TRIM24: variants seen among roughly 807,000 people sequenced by gnomAD.
TRIM24 encodes transcription intermediary factor 1-alpha.
A neutral mutation model predicts 123.9 loss-of-function variants in TRIM24; 29 were observed. The ratio of observed to expected loss-of-function variants is 0.23; its 90% confidence interval spans 0.17 to 0.32. The LOEUF is 0.32. Ranked by LOEUF, TRIM24 falls within the 10% of genes least tolerant of loss-of-function variation. TRIM24 has a pLI of 1.00. For missense variants in TRIM24, 932 were observed against 1,295.3 expected, an observed-to-expected ratio of 0.72 and a Z score of 4.31; for synonymous variants, 456 against 461.1, an observed-to-expected ratio of 0.99 and a Z score of 0.14.
intron 2 of TRIM24, among the ~76,000 whole-genome samples, chr7:138,508,306 G>A (rs944972673): frequency 2.0e-5 from 3 of 152,116 alleles, no homozygotes; most frequent in Non-Finnish European, 1.5e-5. Context: ...TTCTGGTTCC[G>A]TTGTGGGAGA....
chr7:138,577,396 T>C, intron 13 of TRIM24, 24 bp from the exon 14 acceptor site: 1 of 1,488,652 alleles, frequency 6.7e-7, no homozygotes, highest in South Asian at 1.4e-5. Flanking sequence ...TTAGATTGCT[T>C]TTTCTTCTCT....
intron 2 of TRIM24, among the ~76,000 whole-genome samples, chr7:138,508,728 T>TGTGTGC (rs1554436759): frequency 5.1e-5 from 7 of 136,296 alleles, no homozygotes; most frequent in Non-Finnish European, 9.9e-5. Context: ...TGCGTGTGTG[T>TGTGTGC]GTGTGTGTGT....
intron 9 of TRIM24, among the ~76,000 whole-genome samples, chr7:138,558,254 G>T (rs1006495967): frequency 6.6e-6 from 1 of 152,100 alleles, no homozygotes; most frequent in Admixed American, 6.5e-5. Context: ...TATTTATCCT[G>T]CCCCACCATA....
intron 1 of TRIM24, among the ~76,000 whole-genome samples, chr7:138,500,417 G>A (rs142078241): frequency 3.0e-3 from 461 of 152,008 alleles, no homozygotes; most frequent in African/African-American, 9.9e-3. Context: ...AAAAAAATTA[G>A]TGGAGTGTGG....
At chr7:138,469,097 G>A (rs1227213558) in intron 1 of TRIM24, among the ~76,000 whole-genome samples, 2 of 152,158 alleles carry the variant, frequency 1.3e-5, no homozygotes, top group South Asian at 2.1e-4. Context: ...TTAATGACAG[G>A]AAAGCTTGTC....
chr7:138,571,188 AG>A (rs1797648345), intron 11 of TRIM24, among the ~76,000 whole-genome samples, 185 bp downstream of exon 11: 1 of 152,072 alleles, frequency 6.6e-6, no homozygotes, highest in Admixed American at 6.5e-5. Flanking sequence ...AAAATTAACC[AG>A]GCATGATAGC....
intron 11 of TRIM24, 137 bp downstream of exon 11, chr7:138,571,140 G>A (rs1160414626): frequency 2.4e-6 from 2 of 842,484 alleles, no homozygotes; most frequent in Non-Finnish European, 1.9e-6. Flanking sequence ...GACTAGCCTG[G>A]CCAACATGGT....
intron 4 of TRIM24, among the ~76,000 whole-genome samples, chr7:138,521,275 A>G (rs1475328722): frequency 6.6e-6 from 1 of 152,206 alleles, no homozygotes; most frequent in African/African-American, 2.4e-5. Context: ...TTAGGAAACA[A>G]TAATATCTTG....
At chr7:138,495,839 C>A (rs571200380) in intron 1 of TRIM24, among the ~76,000 whole-genome samples, 1 of 152,118 alleles carries the variant, frequency 6.6e-6, no homozygotes, top group South Asian at 2.1e-4. Context: ...TTCACTTCTA[C>A]GAAATTCTTG....
Position 138,587,779 on chromosome 7 carries a change from C to G in TRIM24, c.*2828C>G, listed in dbSNP as rs1037180492. On this transcript the variant is annotated 3_prime_UTR_variant, in exon 19 of 19. Transcript: ENST00000343526. ...CCTCACTGACAGCTTTTCTAGGTGC[C>G]AAGCAACTGACTTTTCCTGTGTAAG... 1.1e-4 allele frequency: 16 copies of G among 152,206 alleles called. No individual in the cohort carries two copies. Among genetic ancestry groups the G allele is most frequent in the African/African-American group, 3.9e-4 (16 of 41,434 alleles). The allele number at this position is 152,206 out of a possible 1,614,324, so 9.4% of individuals were successfully genotyped here. A position where few individuals can be genotyped will look rare whatever the true frequency, so the allele number is the denominator to read the frequency against.
intron 2 of TRIM24, among the ~76,000 whole-genome samples, chr7:138,514,238 A>G (rs1237858113): frequency 6.6e-6 from 1 of 152,194 alleles, no homozygotes; most frequent in Admixed American, 6.5e-5. Context: ...ACTTCCAGCA[A>G]CCCTCACCAA....
chr7:138,487,373 A>G (rs1449172868), intron 1 of TRIM24, among the ~76,000 whole-genome samples: 1 of 152,178 alleles, frequency 6.6e-6, no homozygotes, highest in African/African-American at 2.4e-5. Flanking sequence ...TTCCAACACT[A>G]TGTTGAACAG....
At chr7:138,532,564 A>T (rs1302848324) in intron 6 of TRIM24, among the ~76,000 whole-genome samples, 2 of 151,958 alleles carry the variant, frequency 1.3e-5, no homozygotes, top group Non-Finnish European at 2.9e-5. Context: ...TCTGTTCCAA[A>T]GGTCTATATC....
intron 4 of TRIM24, among the ~76,000 whole-genome samples, chr7:138,523,060 A>C (rs1002910019): frequency 6.6e-6 from 1 of 152,210 alleles, no homozygotes; most frequent in Admixed American, 6.5e-5. Context: ...AGGTAATTAA[A>C]CCCAAAGTAA....
intron 1 of TRIM24, chr7:138,490,735 T>A: frequency 2.1e-6 from 1 of 486,778 alleles, no homozygotes; most frequent in South Asian, 1.5e-5. Context: ...ACTTTTCTAC[T>A]GAAAACATCA....
chr7:138,520,119 C>A (rs1214224632), intron 4 of TRIM24, among the ~76,000 whole-genome samples: 1 of 152,158 alleles, frequency 6.6e-6, no homozygotes, highest in Non-Finnish European at 1.5e-5. Context: ...TGGTGGGGGC[C>A]TTTTTCTCCC....
chr7:138,584,402 T>TAAAAC (rs1797969798), intron 18 of TRIM24, among the ~76,000 whole-genome samples: 1 of 152,250 alleles, frequency 6.6e-6, no homozygotes, highest in Non-Finnish European at 1.5e-5. Flanking sequence ...GCTGGTGGTT[T>TAAAAC]GTTCTCTGTT....
At chr7:138,485,548 C>A (rs1481762888) in intron 1 of TRIM24, among the ~76,000 whole-genome samples, 1 of 152,084 alleles carries the variant, frequency 6.6e-6, no homozygotes, top group Non-Finnish European at 1.5e-5. Flanking sequence ...GTTCTCTGCC[C>A]TGTGTCCAAG....
intron 12 of TRIM24, 102 bp downstream of exon 12, chr7:138,573,744 C>T (rs1298849284): frequency 7.8e-7 from 1 of 1,275,534 alleles, no homozygotes; most frequent in Non-Finnish European, 1.1e-6. Context: ...AATGCTTAAT[C>T]TGAGTTTTTC....
Sources: gnomAD v4.1 joint callset for allele counts (sites outside exome capture counted in the v4.1 genomes callset) on GRCh38, gnomAD v4.1.1 for gene constraint, MANE v1.5 for transcripts, NCBI Gene and HGNC (gene_info 2026-07-23, HGNC 2026-07-21) for gene names.